NUDCD3: variants seen among roughly 807,000 people sequenced by gnomAD.
NUDCD3 encodes the protein nudC domain-containing protein 3.
A neutral mutation model predicts 39.7 loss-of-function variants in NUDCD3; 13 were observed. The ratio of observed to expected loss-of-function variants is 0.33; its 90% CI spans 0.21 to 0.52. The LOEUF is 0.52. Ranked by LOEUF, NUDCD3 falls within the 20% of genes least tolerant of loss-of-function variation. The pLI is 0.96. For synonymous variants in NUDCD3, 175 were observed against 172.4 expected (o/e 1.02, Z -0.12); for missense variants, 453 against 458.1 (o/e 0.99, Z 0.10).
intron 2 of NUDCD3, chr7:44,468,349 C>CAAAAAAAAAA (rs77181470): frequency 3.4e-5 from 13 of 381,086 alleles, no homozygotes; most frequent in African/African-American, 7.1e-5. Context: ...GTAAAAACTG[C>CAAAAAAAAAA]AAAAAAAAAA....
At chr7:44,401,804 G>A (rs1487678905) in intron 4 of NUDCD3, among the ~76,000 whole-genome samples, 1 of 152,198 alleles carries the variant, frequency 6.6e-6, no homozygotes, top group African/African-American at 2.4e-5. Flanking sequence ...GGGCACAAAT[G>A]AAGCCTGGAC....
At position 44,382,369 on chromosome 7, in the gene NUDCD3, G is replaced by A. The variant is rs1344569242; in HGVS notation, c.*3642C>T. 1.3e-5 allele frequency: 2 copies of A among 152,232 alleles called. No individual in the cohort carries two copies. The highest frequency in any genetic ancestry group is 2.4e-5 in the African/African-American group (1 of 41,442). The allele number at this position is 152,232 out of a possible 1,614,324, so 9.4% of individuals were successfully genotyped here. On this transcript the variant is annotated 3_prime_UTR_variant, in exon 6 of 6. Coordinates refer to ENST00000355451, the MANE Select transcript of NUDCD3 (RefSeq NM_015332.4). ...AGGTAAAATTAACAAATCCATATTAGTGTGAGCTGGGTGAGTAGTTTAGTC... is the reference window on the plus strand; with the variant it reads ...AGGTAAAATTAACAAATCCATATTAATGTGAGCTGGGTGAGTAGTTTAGTC...
In NUDCD3 at chr7:44,422,102, G is replaced by C. The variant is rs184668957; in HGVS notation, c.642+5469C>G. On this transcript the variant is annotated intron_variant, in intron 3 of 5. Coordinates refer to ENST00000355451, the MANE Select transcript of NUDCD3 (RefSeq NM_015332.4). ...TCTCTGAAACCAATGAGAACAAAGAGACAACATACCAGAATCTCTGGGACA... is the reference window on the plus strand; with the variant it reads ...TCTCTGAAACCAATGAGAACAAAGACACAACATACCAGAATCTCTGGGACA... Among the ~76,000 whole-genome samples the C allele has an allele frequency of 1.0e-3, 158 of 152,244 alleles. 1 individual carries two copies. Among genetic ancestry groups the C allele is most frequent in the African/African-American group, 3.4e-3 (141 of 41,548 alleles).
At chr7:44,397,122 C>T (rs1166194675) in intron 4 of NUDCD3, among the ~76,000 whole-genome samples, 12 of 152,176 alleles carry the variant, frequency 7.9e-5, no homozygotes, top group Admixed American at 7.9e-4. Context: ...GCCCGATGCT[C>T]GTTTTGCCAT....
At chr7:44,474,182 CAAA>C (rs11443298) in intron 2 of NUDCD3, among the ~76,000 whole-genome samples, 20 of 119,856 alleles carry the variant, frequency 1.7e-4, no homozygotes, top group Non-Finnish European at 1.1e-4. Context: ...TTTCCAACAT[CAAA>C]AAAAAAAAAA....
rs890177704 is a variant in NUDCD3, at chr7:44,380,158, G to A, written c.*5853C>T. ...GGTTTGGATCTCTCCTCACCTGGCT[G>A]GTCAGGCCAGGGAGGACAAGCTGTG... On this transcript the variant is annotated 3_prime_UTR_variant, in exon 6 of 6. Transcript: ENST00000355451. The A allele has an allele frequency of 6.6e-6, 1 of 152,196 alleles. No homozygotes were observed. Among genetic ancestry groups the A allele is most frequent in the Non-Finnish European group, 1.5e-5 (1 of 68,070 alleles). The allele number at this position is 152,196 out of a possible 1,614,324, so 9.4% of individuals were successfully genotyped here. A position where few individuals can be genotyped will look rare whatever the true frequency, so the allele number is the denominator to read the frequency against.
chr7:44,410,163 T>C lies in NUDCD3; in HGVS notation c.643-5580A>G, dbSNP rs578141690. 1.4e-3 allele frequency among the ~76,000 whole-genome samples: 210 copies of C among 152,170 alleles called. 2 individuals carry two copies. Among genetic ancestry groups the C allele is most frequent in the African/African-American group, 4.8e-3 (199 of 41,522 alleles). On this transcript the variant is annotated intron_variant, in intron 3 of 5. Coordinates refer to ENST00000355451, the MANE Select transcript of NUDCD3 (RefSeq NM_015332.4). ...AAAAAATTACACCCAAGAAGCTCAA[T>C]GAATTCCAAGTAAAATAAACTAAAA...
At chr7:44,423,115 C>T (rs199715297) in intron 3 of NUDCD3, among the ~76,000 whole-genome samples, 1 of 152,090 alleles carries the variant, frequency 6.6e-6, no homozygotes, top group Non-Finnish European at 1.5e-5. Context: ...AAACTCTCAA[C>T]AAACTAGGTA....
rs1430741547 is a variant in NUDCD3 at position 44,383,403 on chromosome 7, G to A, written c.*2608C>T. On this transcript the variant is annotated 3_prime_UTR_variant, in exon 6 of 6. Coordinates refer to ENST00000355451, the MANE Select transcript of NUDCD3 (RefSeq NM_015332.4). The stretch of plus-strand genomic sequence containing the variant: ...TCTCCCCACTGGTCAAAATCTTACA[G>A]GATTTCTAAAGCTGTATTGAGATCT... 7 of 152,236 alleles carry A rather than the reference G, an allele frequency of 4.6e-5. No individual in the cohort carries two copies. Among genetic ancestry groups the A allele is most frequent in the Non-Finnish European group, 1.0e-4 (7 of 68,050 alleles). 9.4% of individuals were successfully genotyped at this position (152,236 alleles called of 1,614,324 possible). A position where few individuals can be genotyped will look rare whatever the true frequency, so the allele number is the denominator to read the frequency against.
chr7:44,490,457 C>T lies in NUDCD3; in HGVS notation c.144G>A (p.Ser48=). The T allele has an allele frequency of 6.3e-7, 1 of 1,598,948 alleles. No homozygotes were observed. ...TDFYRLLRHP[S]DRMGFPPGAA... ...CCCCGGGCGGGAAGCCCATGCGGTC[C>T]GATGGGTGGCGCAGCAAGCGATAGA... The change falls in exon 1 of 6, where the codon TCG becomes TCA. Residue 48 remains serine, a synonymous_variant. Transcript: ENST00000355451.
chr7:44,398,701 G>A (rs921040315), intron 4 of NUDCD3, among the ~76,000 whole-genome samples: 2 of 152,156 alleles, frequency 1.3e-5, no homozygotes, highest in Non-Finnish European at 2.9e-5. Flanking sequence ...TGTGCCCAGC[G>A]AGGACGACTT....
chr7:44,483,527 C>G, intron 2 of NUDCD3, among the ~76,000 whole-genome samples: 1 of 152,160 alleles, frequency 6.6e-6, no homozygotes, highest in Non-Finnish European at 1.5e-5. Flanking sequence ...CTTCCAATCT[C>G]TAAATCCTTA....
intron 4 of NUDCD3, among the ~76,000 whole-genome samples, chr7:44,394,043 C>T (rs554370287): frequency 6.6e-6 from 1 of 152,316 alleles, no homozygotes; most frequent in South Asian, 2.1e-4. Context: ...CTCTGCAGAG[C>T]CCAGGGATCA....
At chr7:44,468,349 C>CAAAAAAAAAAAAAAAAACAAAAA in intron 2 of NUDCD3, 1 of 375,658 alleles carries the variant, frequency 2.7e-6, no homozygotes, top group South Asian at 3.9e-5. Context: ...GTAAAAACTG[C>CAAAAAAAAAAAAAAAAACAAAAA]AAAAAAAAAA....
Position 44,382,751 on chromosome 7 carries a change from A to G in NUDCD3, c.*3260T>C, listed in dbSNP as rs1161338067. Reference sequence around the variant, plus strand: ...AGTCATGCTGTCCCTTCCCCAGCTGAGCTGGCTGCCAACAGGCCCAGTGGA... The same window carrying G: ...AGTCATGCTGTCCCTTCCCCAGCTGGGCTGGCTGCCAACAGGCCCAGTGGA... On this transcript the variant is annotated 3_prime_UTR_variant, in exon 6 of 6. Coordinates refer to ENST00000355451, the MANE Select transcript of NUDCD3 (RefSeq NM_015332.4). 6.6e-6 allele frequency: 1 copy of G among 152,320 alleles called. No homozygotes were observed. Among genetic ancestry groups the G allele is most frequent in the Non-Finnish European group, 1.5e-5 (1 of 68,156 alleles). The allele number at this position is 152,320 out of a possible 1,614,324, so 9.4% of individuals were successfully genotyped here.
intron 2 of NUDCD3, among the ~76,000 whole-genome samples, chr7:44,475,112 C>CTTTTT (rs369792184): frequency 7.2e-6 from 1 of 139,640 alleles, no homozygotes. Flanking sequence ...AAATTCATTT[C>CTTTTT]TTTTTTTTTT....
intron 4 of NUDCD3, chr7:44,402,727 G>A: frequency 2.2e-6 from 1 of 456,516 alleles, no homozygotes; most frequent in South Asian, 1.5e-5. Flanking sequence ...ACGGAAGGCA[G>A]GAGAGTCAAG....
rs1167718618 is a variant in NUDCD3, at chr7:44,490,395, C to A, written c.192+14G>T. ...GGGCGGCGGCTCCCCAGACCGCAGG[C>A]CCGCCCGCCTCACCTGCAGCACCAA... On this transcript the variant is annotated intron_variant, in intron 1 of 5. Coordinates refer to ENST00000355451, the MANE Select transcript of NUDCD3 (RefSeq NM_015332.4). 3.9e-6 allele frequency: 6 copies of A among 1,533,102 alleles called. No homozygotes were observed. The highest frequency in any genetic ancestry group is 2.5e-5 in the East Asian group (1 of 40,580). The allele number at this position is 1,533,102 out of a possible 1,614,324, so 95.0% of individuals were successfully genotyped here. A position where few individuals can be genotyped will look rare whatever the true frequency, so the allele number is the denominator to read the frequency against.
Position 44,427,675 on chromosome 7 carries a change from C to A in NUDCD3, c.538G>T (p.Asp180Tyr). Residue 180 changes from aspartate (D) to tyrosine (Y), a missense_variant, in exon 3 of 6, where the codon GAC becomes TAC. Transcript: ENST00000355451. ...RIQEQFQKNP[D>Y]SYNGAVRENY... ...TCTCGGACAGCACCATTGTAACTGT[C>A]GGGATTTTTCTGGAACTGCTCCTGA... 3 of 1,613,632 alleles carry A rather than the reference C, an allele frequency of 1.9e-6. No individual in the cohort carries two copies. The highest frequency in any genetic ancestry group is 2.5e-6 in the Non-Finnish European group (3 of 1,179,874).
Sources: allele counts gnomAD v4.1 joint callset (sites outside exome capture counted in the v4.1 genomes callset), GRCh38; gene constraint gnomAD v4.1.1; transcripts MANE v1.5; gene names NCBI Gene and HGNC (gene_info 2026-07-23, HGNC 2026-07-21).